MPZL1: variants seen among roughly 807,000 people sequenced by gnomAD.
MPZL1 encodes the protein myelin protein zero like 1, also known as myelin protein zero-like protein 1.
MPZL1 carries 16 observed loss-of-function variants against 29.3 expected under a neutral mutation model. The ratio of observed to expected loss-of-function variants is 0.55; its 90% confidence interval spans 0.37 to 0.83. The LOEUF (loss-of-function observed/expected upper bound fraction) is 0.83. Among genes scored for constraint, MPZL1 ranks in the 40% least tolerant of loss-of-function variants. MPZL1 has a pLI of 0.00. For missense variants in MPZL1, 279 were observed against 332.9 expected, an observed-to-expected ratio of 0.84 and a Z score of 1.26; for synonymous variants, 143 against 132.0, an observed-to-expected ratio of 1.08 and a Z score of -0.57.
In MPZL1 at chr1:167,765,749, G is replaced by C; in HGVS notation, c.258G>C (p.Ser86=). ...CAGAGGGGGCCGACACTACTGTGTC[G>C]GTAAGAATGCTTGACTTCTCTTGGC... ...FQPEGADTTV[S]FFHYSQGQVY... The change falls in exon 2 of 6, where the codon TCG becomes TCC. Residue 86 remains serine, a splice_region_variant and synonymous_variant. Transcript: ENST00000359523. 6.3e-7 allele frequency: 1 copy of C among 1,595,058 alleles called. No individual in the cohort carries two copies.
At chr1:167,740,151 GC>G (rs1660487033) in intron 1 of MPZL1, among the ~76,000 whole-genome samples, 2 of 152,040 alleles carry the variant, frequency 1.3e-5, no homozygotes, top group Non-Finnish European at 2.9e-5. Context: ...TTTAATTATT[GC>G]CCTCTTTAGA....
rs142702955 is a variant in MPZL1, at chr1:167,741,376, C to T, written c.91+19134C>T. Among the ~76,000 whole-genome samples, 354 of 142,276 alleles carry T rather than the reference C, an allele frequency of 2.5e-3. 4 individuals carry two copies. Among genetic ancestry groups the T allele is most frequent in the African/African-American group, 8.7e-3 (329 of 38,014 alleles). 93.3% of individuals were successfully genotyped at this position (142,276 alleles called of 152,430 possible). The stretch of plus-strand genomic sequence containing the variant: ...GACAAGGTCTCACTTGTCACCCAGG[C>T]GTGCTGTGGCATGATCTCAGCTCAC... On this transcript the variant is annotated intron_variant, in intron 1 of 5. Transcript: ENST00000359523.
intron 1 of MPZL1, among the ~76,000 whole-genome samples, chr1:167,748,566 C>T (rs890388945): frequency 6.6e-6 from 1 of 152,052 alleles, no homozygotes; most frequent in Admixed American, 6.5e-5. Flanking sequence ...TTCTCTCATT[C>T]TGTGGATGTC....
Position 167,779,910 on chromosome 1 carries a change from G to A in MPZL1, c.708+3744G>A, listed in dbSNP as rs151277502. 3.9e-4 allele frequency among the ~76,000 whole-genome samples: 59 copies of A among 152,248 alleles called. 1 individual carries two copies. Among genetic ancestry groups the A allele is most frequent in the African/African-American group, 3.6e-4 (15 of 41,536 alleles). On this transcript the variant is annotated intron_variant, in intron 5 of 5. Transcript: ENST00000359523. ...CTACAACATGGAAAATGGTAAATGC[G>A]GATGGTAATAATATCAACGTTGGCA... is the stretch of plus-strand genomic sequence containing the variant.
At chr1:167,737,582 A>C (rs948891439) in intron 1 of MPZL1, among the ~76,000 whole-genome samples, 7 of 152,230 alleles carry the variant, frequency 4.6e-5, no homozygotes, top group African/African-American at 7.2e-5. Context: ...TTGTTCTCAC[A>C]AGATTGCCCA....
intron 1 of MPZL1, among the ~76,000 whole-genome samples, chr1:167,746,756 C>G (rs114894801): frequency 0.01 from 1,524 of 152,208 alleles, 32 homozygotes; most frequent in African/African-American, 0.035. Flanking sequence ...ACATGTGTTT[C>G]TAAGCTGTTT....
chr1:167,783,097 C>A (rs1661526871), intron 5 of MPZL1, among the ~76,000 whole-genome samples: 1 of 152,188 alleles, frequency 6.6e-6, no homozygotes, highest in Non-Finnish European at 1.5e-5. Flanking sequence ...TTTCCTTCAG[C>A]ATTTTGAGTC....
rs1036052706 is a variant in MPZL1 at position 167,765,692 on chromosome 1, C to T, written c.201C>T (p.Gly67=). 1.1e-5 allele frequency: 18 copies of T among 1,612,906 alleles called. No individual in the cohort carries two copies. The highest frequency in any genetic ancestry group is 2.7e-5 in the African/African-American group (2 of 74,852). The change falls in exon 2 of 6, where the codon GGC becomes GGT. Residue 67 remains glycine, a synonymous_variant. Coordinates refer to ENST00000359523, the MANE Select transcript of MPZL1 (RefSeq NM_003953.6). The stretch of plus-strand genomic sequence containing the variant: ...AGTTCAAGTCTACTAGTACGACTGG[C>T]GGGTTGACCTCAGTCTCCTGGAGCT... ...TCKFKSTSTT[G]GLTSVSWSFQ... is the part of the protein sequence containing the mutation.
At chr1:167,733,655 G>T (rs934211136) in intron 1 of MPZL1, among the ~76,000 whole-genome samples, 1 of 152,044 alleles carries the variant, frequency 6.6e-6, no homozygotes, top group African/African-American at 2.4e-5. Flanking sequence ...TGAGGCACAA[G>T]AATCGCTTGA....
In MPZL1 at chr1:167,744,863, T is replaced by C. The variant is rs563521136; in HGVS notation, c.92-20720T>C. Among the ~76,000 whole-genome samples the C allele has an allele frequency of 8.5e-5, 13 of 152,320 alleles. No individual in the cohort carries two copies. The East Asian group carries it at 2.5e-3, about 29-fold the overall frequency. Reference sequence around the variant, plus strand: ...AAGATCAAAACAGAATAATGTTTACTGTCATCAGTTTAAGAATAAATGTTG... The same window carrying C: ...AAGATCAAAACAGAATAATGTTTACCGTCATCAGTTTAAGAATAAATGTTG... On this transcript the variant is annotated intron_variant, in intron 1 of 5. Transcript: ENST00000359523.
chr1:167,747,707 C>T (rs1660673866), intron 1 of MPZL1, among the ~76,000 whole-genome samples: 1 of 151,976 alleles, frequency 6.6e-6, no homozygotes, highest in Non-Finnish European at 1.5e-5. Context: ...GTGATAGCAT[C>T]TCATACACAT....
At chr1:167,737,417 A>G (rs1329862839) in intron 1 of MPZL1, among the ~76,000 whole-genome samples, 1 of 152,166 alleles carries the variant, frequency 6.6e-6, no homozygotes, top group East Asian at 1.9e-4. Context: ...GAGGCTGGGG[A>G]GGGAACTGGG....
rs184951344 is a variant in MPZL1 at position 167,759,344 on chromosome 1, C to G, written c.92-6239C>G. Among the ~76,000 whole-genome samples the G allele has an allele frequency of 1.7e-3, 253 of 152,278 alleles. 3 individuals carry two copies. Among genetic ancestry groups the G allele is most frequent in the African/African-American group, 6.0e-3 (251 of 41,548 alleles). ...CTGTGGATGAGCTATCTGAATTCAA[C>G]AATAATTTTACTATGTATTCCCATA... On this transcript the variant is annotated intron_variant, in intron 1 of 5. Coordinates refer to ENST00000359523, the MANE Select transcript of MPZL1 (RefSeq NM_003953.6).
chr1:167,783,619 CTGTTGTCTCT>C (rs1661536857), intron 5 of MPZL1, among the ~76,000 whole-genome samples: 1 of 152,206 alleles, frequency 6.6e-6, no homozygotes, highest in East Asian at 1.9e-4. Context: ...GTAAGTTCTT[CTGTTGTCTCT>C]ATTTTACACA....
At chr1:167,742,933 C>T (rs1660565991) in intron 1 of MPZL1, among the ~76,000 whole-genome samples, 1 of 152,016 alleles carries the variant, frequency 6.6e-6, no homozygotes, top group Non-Finnish European at 1.5e-5. Flanking sequence ...TGTCAATGAT[C>T]AGTAGGCTGT....
At chr1:167,772,121 AAGG>A (rs1374547343) in intron 2 of MPZL1, among the ~76,000 whole-genome samples, 151 bp from the exon 3 acceptor site, 8 of 152,244 alleles carry the variant, frequency 5.3e-5, no homozygotes, top group South Asian at 2.1e-4. Context: ...AGACCGAAAA[AAGG>A]AGGAGAGAGA....
chr1:167,728,578 C>T (rs1660202665), intron 1 of MPZL1, among the ~76,000 whole-genome samples: 1 of 152,000 alleles, frequency 6.6e-6, no homozygotes, highest in Admixed American at 6.6e-5. Context: ...TTCTTGATCC[C>T]ATTAGGCCTT....
chr1:167,723,457 C>T (rs1281408136), intron 1 of MPZL1, among the ~76,000 whole-genome samples: 1 of 152,212 alleles, frequency 6.6e-6, no homozygotes, highest in Non-Finnish European at 1.5e-5. Flanking sequence ...TTGTGTAAGA[C>T]ACAATCCATT....
chr1:167,758,111 T>C (rs1481045744), intron 1 of MPZL1, among the ~76,000 whole-genome samples: 2 of 148,394 alleles, frequency 1.3e-5, no homozygotes, highest in African/African-American at 5.0e-5. Flanking sequence ...TTGAGATCGC[T>C]CCACTGCACT....
Sources: allele counts gnomAD v4.1 joint callset (sites outside exome capture counted in the v4.1 genomes callset), GRCh38; gene constraint gnomAD v4.1.1; transcripts MANE v1.5; gene names NCBI Gene and HGNC (gene_info 2026-07-23, HGNC 2026-07-21).